The following MAGI1 variants were observed in gnomAD, a reference collection of about 807,000 sequenced individuals.
MAGI1 encodes the protein membrane associated guanylate kinase, WW and PDZ domain containing 1, also known as membrane-associated guanylate kinase, WW and PDZ domain-containing protein 1.
In MAGI1, 58 loss-of-function variants were observed where a neutral mutation model predicts 139.9. That is an observed-to-expected ratio of 0.41 (90% confidence interval 0.34 to 0.52). MAGI1 has a LOEUF of 0.52. MAGI1 is among the 20% of genes least tolerant of loss of function. The pLI, the probability that MAGI1 is intolerant of heterozygous loss-of-function variation, is 0.12. For missense variants in MAGI1, 1,874 were observed against 1,901.6 expected (o/e 0.99, Z 0.27); for synonymous variants, 812 against 737.9 (o/e 1.10, Z -1.63).
intron 1 of MAGI1, among the ~76,000 whole-genome samples, chr3:65,697,318 C>T (rs1325681047): frequency 6.6e-6 from 1 of 151,474 alleles, no homozygotes; most frequent in Non-Finnish European, 1.5e-5. Flanking sequence ...GGTACCATTT[C>T]TTCTGAAACT....
At chr3:65,570,418 T>TAAAAA (rs60986885) in intron 2 of MAGI1, among the ~76,000 whole-genome samples, 28 of 138,096 alleles carry the variant, frequency 2.0e-4, no homozygotes, top group African/African-American at 7.1e-4. Context: ...CAATACTTCA[T>TAAAAA]AAAAAAAAAA....
At chr3:65,751,518 A>G (rs2036152799) in intron 1 of MAGI1, among the ~76,000 whole-genome samples, 1 of 152,218 alleles carries the variant, frequency 6.6e-6, no homozygotes, top group African/African-American at 2.4e-5. Context: ...GCCGCTTTCT[A>G]AAAAACACTT....
At chr3:65,987,497 G>A (rs1363379866) in intron 1 of MAGI1, among the ~76,000 whole-genome samples, 1 of 152,168 alleles carries the variant, frequency 6.6e-6, no homozygotes, top group Non-Finnish European at 1.5e-5. Flanking sequence ...AGGCAGGCGA[G>A]CCACTTACCT....
intron 1 of MAGI1, among the ~76,000 whole-genome samples, chr3:65,999,602 G>A (rs1027555373): frequency 2.0e-5 from 3 of 152,092 alleles, no homozygotes; most frequent in Non-Finnish European, 4.4e-5. Flanking sequence ...ACCTTGGGAA[G>A]TTAATCGTTT....
chr3:65,897,483 G>T (rs146283955), intron 1 of MAGI1, among the ~76,000 whole-genome samples: 2,163 of 151,936 alleles, frequency 0.014, 23 homozygotes, highest in Non-Finnish European at 0.019. Context: ...TGGGGGGCAG[G>T]GGCGGAATAG....
chr3:65,508,830 A>T (rs1375055599), intron 2 of MAGI1, among the ~76,000 whole-genome samples: 1 of 152,226 alleles, frequency 6.6e-6, no homozygotes, highest in East Asian at 1.9e-4. Flanking sequence ...TGTCATTATC[A>T]CACAATGCTT....
At chr3:65,586,276 A>T (rs2081672883) in intron 2 of MAGI1, among the ~76,000 whole-genome samples, 1 of 152,192 alleles carries the variant, frequency 6.6e-6, no homozygotes. Context: ...GCTAAATCTA[A>T]TACCTTTATA....
chr3:65,503,210 A>G (rs541938305), intron 2 of MAGI1, among the ~76,000 whole-genome samples: 18 of 152,350 alleles, frequency 1.2e-4, no homozygotes, highest in African/African-American at 4.3e-4. Flanking sequence ...GAAAGCAGCT[A>G]AAAGAGACTT....
chr3:65,781,026 T>A (rs973217382), intron 1 of MAGI1, among the ~76,000 whole-genome samples: 1 of 152,084 alleles, frequency 6.6e-6, no homozygotes, highest in African/African-American at 2.4e-5. Context: ...TGAAACCCCA[T>A]CTCTACTAAA....
intron 2 of MAGI1, among the ~76,000 whole-genome samples, chr3:65,509,523 C>T (rs1301872915): frequency 1.3e-5 from 2 of 152,264 alleles, no homozygotes; most frequent in East Asian, 3.9e-4. Flanking sequence ...GTTCCCTTTC[C>T]GACTCAAAGA....
chr3:65,989,663 G>A lies in MAGI1; in HGVS notation c.313+48333C>T, dbSNP rs559751553. Among the ~76,000 whole-genome samples, 217 of 152,146 alleles carry A rather than the reference G, an allele frequency of 1.4e-3. 2 individuals carry two copies. Among genetic ancestry groups the A allele is most frequent in the Non-Finnish European group, 2.2e-3 (150 of 68,008 alleles). On this transcript the variant is annotated intron_variant, in intron 1 of 22. Transcript: ENST00000402939. ...AGTGATCCTCCTGCCTCAGCCTCCC[G>A]AGTAGCTGGGATTACAGGCACCAGC...
chr3:65,940,567 A>T (rs1210196584), intron 1 of MAGI1, among the ~76,000 whole-genome samples: 7 of 152,180 alleles, frequency 4.6e-5, no homozygotes, highest in Non-Finnish European at 8.8e-5. Flanking sequence ...AAAGGTTCCA[A>T]CAGTCCCACT....
intron 1 of MAGI1, among the ~76,000 whole-genome samples, chr3:66,004,694 A>G (rs943434990): frequency 2.0e-5 from 3 of 152,152 alleles, no homozygotes; most frequent in African/African-American, 7.2e-5. Context: ...CAACTTTGGG[A>G]AAAAAATGCA....
chr3:65,778,153 G>C (rs1281046354), intron 1 of MAGI1, among the ~76,000 whole-genome samples: 1 of 152,104 alleles, frequency 6.6e-6, no homozygotes, highest in Non-Finnish European at 1.5e-5. Flanking sequence ...AGTTCGGCCA[G>C]GTGCAGTGAC....
At chr3:65,549,578 G>A (rs905650303) in intron 2 of MAGI1, 3 of 651,504 alleles carry the variant, frequency 4.6e-6, no homozygotes, top group African/African-American at 3.9e-5. Flanking sequence ...AGCCCGCTCG[G>A]GCGGCAGCGG....
At chr3:65,808,911 A>G (rs7610656) in intron 1 of MAGI1, among the ~76,000 whole-genome samples, 5,627 of 152,326 alleles carry the variant, frequency 0.037, 343 homozygotes, top group African/African-American at 0.13. Context: ...AATGTGAGGT[A>G]CAGCAATGAT....
intron 1 of MAGI1, among the ~76,000 whole-genome samples, chr3:65,788,102 C>A (rs996265452): frequency 6.6e-6 from 1 of 152,142 alleles, no homozygotes; most frequent in South Asian, 2.1e-4. Flanking sequence ...AAGTAATTAA[C>A]ATAAATTGAA....
At chr3:65,597,925 TG>T (rs57059846) in intron 2 of MAGI1, 12,530 of 388,330 alleles carry the variant, frequency 0.032, 231 homozygotes, top group African/African-American at 0.074. Context: ...GAGGCGGGGG[TG>T]GGGGGGGGGT....
intron 3 of MAGI1, among the ~76,000 whole-genome samples, chr3:65,487,500 T>C (rs1951704069): frequency 6.6e-6 from 1 of 152,222 alleles, no homozygotes. Flanking sequence ...CCTAACTCCC[T>C]GAAGTATCTT....
Sources: allele counts gnomAD v4.1 joint callset (sites outside exome capture counted in the v4.1 genomes callset), GRCh38; gene constraint gnomAD v4.1.1; transcripts MANE v1.5; gene names NCBI Gene and HGNC (gene_info 2026-07-23, HGNC 2026-07-21).